The following WNT7A variants were observed in gnomAD, a reference collection of about 807,000 sequenced individuals.
WNT7A encodes the protein Wnt family member 7A.
In WNT7A, 16 loss-of-function variants were observed where a neutral mutation model predicts 28.2. That is an observed-to-expected ratio of 0.57 (90% CI 0.38 to 0.86). The LOEUF (loss-of-function observed/expected upper bound fraction) is 0.86. Ranked by LOEUF, WNT7A falls within the 40% of genes least tolerant of loss-of-function variation. WNT7A has a pLI of 0.00. For synonymous variants in WNT7A, 190 were observed against 195.9 expected, an observed-to-expected ratio of 0.97 and a Z score of 0.25; for missense variants, 411 against 489.7, an observed-to-expected ratio of 0.84 and a Z score of 1.52.
chr3:13,859,350 T>TCA (rs2124865010), intron 2 of WNT7A, among the ~76,000 whole-genome samples: 1 of 152,344 alleles, frequency 6.6e-6, no homozygotes, highest in South Asian at 2.1e-4. Context: ...CTTGGGCAAG[T>TCA]CACTTAACCT....
chr3:13,863,443 T>C (rs56347393), intron 2 of WNT7A, among the ~76,000 whole-genome samples: 54,626 of 149,486 alleles, frequency 0.37, 10,393 homozygotes, highest in East Asian at 0.64. Context: ...TATGTGTATA[T>C]GTGTGTGTGT....
At chr3:13,869,382 G>A (rs111064677) in intron 2 of WNT7A, among the ~76,000 whole-genome samples, 113,553 of 142,518 alleles carry the variant, frequency 0.8, 45,591 homozygotes, top group East Asian at 1. Context: ...AGGGAGAAAG[G>A]GAGAGAAAGA....
intron 2 of WNT7A, 59 bp downstream of exon 2, chr3:13,874,888 G>A: frequency 6.4e-7 from 1 of 1,552,818 alleles, no homozygotes; most frequent in Non-Finnish European, 8.8e-7. Flanking sequence ...GCACCTGAGG[G>A]TATTCTGGTG....
chr3:13,850,923 C>G (rs1253656223), intron 3 of WNT7A, among the ~76,000 whole-genome samples: 1 of 152,082 alleles, frequency 6.6e-6, no homozygotes, highest in Admixed American at 6.5e-5. Flanking sequence ...GACTGTCCTT[C>G]CCTTCCCATA....
chr3:13,828,607 T>G (rs1170603637), intron 3 of WNT7A, among the ~76,000 whole-genome samples: 2 of 152,146 alleles, frequency 1.3e-5, no homozygotes, highest in African/African-American at 4.8e-5. Flanking sequence ...GGCGCAGGTC[T>G]GGGGAGCCAA....
chr3:13,819,075 T>A lies in WNT7A; in HGVS notation c.919A>T (p.Met307Leu), dbSNP rs761438329. The A allele has an allele frequency of 2.2e-5, 35 of 1,613,900 alleles. No homozygotes were observed. The Admixed American group carries it at 4.3e-4, about 20-fold the overall frequency. ...GTGTTGTAGCCACGCCCACAGCACATGAGGTCACAGCCGCTGGCCTGGGGA... is the reference window on the plus strand; with the variant it reads ...GTGTTGTAGCCACGCCCACAGCACAAGAGGTCACAGCCGCTGGCCTGGGGA... ...TAPQASGCDL[M>L]CCGRGYNTHQ... The change falls in exon 4 of 4, where the codon ATG (methionine) becomes TTG (leucine). Residue 307 changes from methionine to leucine, a missense_variant. Coordinates refer to ENST00000285018, the MANE Select transcript of WNT7A (RefSeq NM_004625.4).
chr3:13,851,808 C>T (rs897291897), intron 3 of WNT7A, among the ~76,000 whole-genome samples: 14 of 152,206 alleles, frequency 9.2e-5, no homozygotes, highest in South Asian at 2.1e-4. Context: ...ACACATCATA[C>T]GCTAGGATGT....
rs1477216646 is a variant in WNT7A, at chr3:13,843,957, G to A, written c.570+10575C>T. The stretch of plus-strand genomic sequence containing the variant: ...AGATGGGTTTCTCCATGTTGGCCAG[G>A]CTGGTCTCAAACTCCTGAACTCAGG... On this transcript the variant is annotated intron_variant, in intron 3 of 3. Coordinates refer to ENST00000285018, the MANE Select transcript of WNT7A (RefSeq NM_004625.4). Among the ~76,000 whole-genome samples the A allele has an allele frequency of 4.6e-5, 7 of 152,104 alleles. 1 individual carries two copies. Among genetic ancestry groups the A allele is most frequent in the African/African-American group, 1.7e-4 (7 of 41,406 alleles).
intron 3 of WNT7A, among the ~76,000 whole-genome samples, chr3:13,849,137 T>C (rs1253885286): frequency 6.6e-6 from 1 of 152,202 alleles, no homozygotes; most frequent in Non-Finnish European, 1.5e-5. Flanking sequence ...GGGACCATTG[T>C]GTGCTCTGCA....
intron 3 of WNT7A, among the ~76,000 whole-genome samples, chr3:13,852,170 C>T (rs1694649420): frequency 6.6e-6 from 1 of 152,240 alleles, no homozygotes; most frequent in Non-Finnish European, 1.5e-5. Context: ...GGCAGCCCCT[C>T]ATCAGGTCTG....
intron 3 of WNT7A, among the ~76,000 whole-genome samples, chr3:13,842,845 C>T (rs962317151): frequency 2.5e-4 from 38 of 152,030 alleles, no homozygotes; most frequent in Admixed American, 5.2e-4. Flanking sequence ...GACTTGTGTT[C>T]GGGAGGCAGG....
intron 3 of WNT7A, among the ~76,000 whole-genome samples, chr3:13,835,547 A>T (rs1694353722): frequency 6.6e-6 from 1 of 152,252 alleles, no homozygotes; most frequent in African/African-American, 2.4e-5. Context: ...ACACAGAGCT[A>T]GAGGACCCAG....
At chr3:13,823,720 A>G (rs1285898808) in intron 3 of WNT7A, among the ~76,000 whole-genome samples, 1 of 152,230 alleles carries the variant, frequency 6.6e-6, no homozygotes, top group Non-Finnish European at 1.5e-5. Context: ...ACAATATATG[A>G]GAAAAATAAA....
At chr3:13,858,874 C>T (rs1694787647) in intron 2 of WNT7A, among the ~76,000 whole-genome samples, 1 of 152,278 alleles carries the variant, frequency 6.6e-6, no homozygotes, top group African/African-American at 2.4e-5. Flanking sequence ...TCCAATCCCA[C>T]TCCACCCCCA....
At chr3:13,840,806 T>A (rs1225865138) in intron 3 of WNT7A, among the ~76,000 whole-genome samples, 1 of 152,156 alleles carries the variant, frequency 6.6e-6, no homozygotes, top group East Asian at 1.9e-4. Context: ...TGTGCATGCA[T>A]GCATGCATCC....
At chr3:13,849,748 A>G (rs1694597977) in intron 3 of WNT7A, among the ~76,000 whole-genome samples, 1 of 152,200 alleles carries the variant, frequency 6.6e-6, no homozygotes, top group Non-Finnish European at 1.5e-5. Flanking sequence ...CATTAAGGCA[A>G]CATCTGAGCC....
At chr3:13,848,211 T>C (rs1694571419) in intron 3 of WNT7A, among the ~76,000 whole-genome samples, 4 of 152,160 alleles carry the variant, frequency 2.6e-5, no homozygotes, top group Admixed American at 2.6e-4. Flanking sequence ...ATAGATACAT[T>C]GGACCTTATC....
rs189522730 is a variant in WNT7A at position 13,878,906 on chromosome 3, C to T, written c.71+840G>A. On this transcript the variant is annotated intron_variant, in intron 1 of 3. Coordinates refer to ENST00000285018, the MANE Select transcript of WNT7A (RefSeq NM_004625.4). ...GCACAAGCAGCTCCAGGACGCGTCC[C>T]GAGCTGCCCCCTCCCACCTTCCAGC... 3.5e-3 allele frequency among the ~76,000 whole-genome samples: 528 copies of T among 152,304 alleles called. 1 individual carries two copies. The highest frequency in any genetic ancestry group is 0.012 in the African/African-American group (506 of 41,570).
chr3:13,853,394 C>T (rs1275528312), intron 3 of WNT7A, among the ~76,000 whole-genome samples: 1 of 152,212 alleles, frequency 6.6e-6, no homozygotes, highest in Non-Finnish European at 1.5e-5. Context: ...GAACACAAGG[C>T]TGCACTCTTC....
Sources: gnomAD v4.1 joint callset for allele counts (sites outside exome capture counted in the v4.1 genomes callset) on GRCh38, gnomAD v4.1.1 for gene constraint, MANE v1.5 for transcripts, NCBI Gene and HGNC (gene_info 2026-07-23, HGNC 2026-07-21) for gene names.